MAP3K4: variants seen among roughly 807,000 people sequenced by gnomAD.
MAP3K4 encodes MAP three kinase 1.
MAP3K4 carries 67 observed loss-of-function variants against 185.6 expected under a neutral mutation model. The ratio of observed to expected loss-of-function variants is 0.36; its 90% CI spans 0.30 to 0.44. The LOEUF (loss-of-function observed/expected upper bound fraction) is 0.44. MAP3K4 is among the 20% of genes least tolerant of loss of function. MAP3K4 has a pLI of 1.00. For synonymous variants in MAP3K4, 702 were observed against 710.4 expected (o/e 0.99, Z 0.19); for missense variants, 1,551 against 1,995.1 (o/e 0.78, Z 4.24).
chr6:160,995,146 A>G (rs1434076625), intron 1 of MAP3K4, among the ~76,000 whole-genome samples: 2 of 152,194 alleles, frequency 1.3e-5, no homozygotes, highest in East Asian at 3.9e-4. Flanking sequence ...CCATTCTTGC[A>G]GGAGTAAGGT....
intron 25 of MAP3K4, among the ~76,000 whole-genome samples, chr6:161,113,360 A>G (rs1443401609): frequency 6.6e-6 from 1 of 152,242 alleles, no homozygotes; most frequent in Non-Finnish European, 1.5e-5. Context: ...AGTGGTTGCC[A>G]GGGACGTGGG....
intron 3 of MAP3K4, among the ~76,000 whole-genome samples, chr6:161,068,129 T>C (rs1784786589): frequency 6.6e-6 from 1 of 152,226 alleles, no homozygotes; most frequent in Admixed American, 6.5e-5. Flanking sequence ...TAGAGACCCA[T>C]AGTTAACTGG....
chr6:161,005,262 C>A (rs116321877), intron 1 of MAP3K4, among the ~76,000 whole-genome samples: 11,435 of 151,826 alleles, frequency 0.075, 479 homozygotes, highest in East Asian at 0.16. Context: ...CCTCAGCCTC[C>A]CCAGTAGATG....
rs1208544398 is a variant in MAP3K4 at position 161,116,666 on chromosome 6, T to G, written c.4807-184T>G. On this transcript the variant is annotated intron_variant, in intron 26 of 26. Transcript: ENST00000392142. The surrounding 1 kb of genome is among the most constrained non-coding windows in gnomAD (Gnocchi z 6.2). The stretch of plus-strand genomic sequence containing the variant: ...ATTAGTCAGTTCCCAGGCTTAACTT[T>G]AGAGCAGTAACTTACCTCTGCCATT... 6.6e-6 allele frequency among the ~76,000 whole-genome samples: 1 copy of G among 152,240 alleles called. No homozygotes were observed. Among genetic ancestry groups the G allele is most frequent in the Non-Finnish European group, 1.5e-5 (1 of 68,034 alleles).
At position 161,092,189 on chromosome 6, in the gene MAP3K4, G is replaced by A. The variant is rs368256080; in HGVS notation, c.3269+46G>A. The A allele has an allele frequency of 1.1e-5, 17 of 1,608,628 alleles. No homozygotes were observed. In the African/African-American group the frequency reaches 1.3e-4, roughly 13 times the overall value. On this transcript the variant is annotated intron_variant, in intron 13 of 26. Coordinates refer to ENST00000392142, the MANE Select transcript of MAP3K4 (RefSeq NM_005922.4). ...TTCTGAAATGTGTCATGTGGGCTTG[G>A]TGGTATTTGTTCATATATGTTCTGT...
At position 161,007,821 on chromosome 6, in the gene MAP3K4, G is replaced by A. The variant is rs628075; in HGVS notation, c.152+15738G>A. Among the ~76,000 whole-genome samples the A allele has an allele frequency of 0.94, 142,595 of 152,228 alleles. 67,107 individuals are homozygous for A. Among genetic ancestry groups the A allele is most frequent in the African/African-American group, 0.97 (40,135 of 41,548 alleles). ...AAAAGGCTGTCAATTGTAATATGCAGCATAAATTTTATATGTCACTAAGGA... is the reference window on the plus strand; with the variant it reads ...AAAAGGCTGTCAATTGTAATATGCAACATAAATTTTATATGTCACTAAGGA... On this transcript the variant is annotated intron_variant, in intron 1 of 26. Coordinates refer to ENST00000392142, the MANE Select transcript of MAP3K4 (RefSeq NM_005922.4). This position sits in a 1 kb window ranked among gnomAD's most constrained non-coding sequence, Gnocchi z 4.5.
chr6:161,101,957 T>G lies in MAP3K4; in HGVS notation c.3740T>G (p.Leu1247Arg). The change falls in exon 18 of 27, where the codon CTG becomes CGG. Residue 1247 changes from leucine (L) to arginine (R), a missense_variant. Transcript: ENST00000392142. The surrounding 1 kb of genome is among the most constrained non-coding windows in gnomAD (Gnocchi z 5.1). ...SIAAELQFRS[L>R]SRHSSPTEER... is the part of the protein sequence containing the mutation. ...GCTGCTGAATTGCAGTTTAGGTCCC[T>G]GAGTCGTCACTCAAGCCCCACGGAG... 6.2e-7 allele frequency: 1 copy of G among 1,614,186 alleles called. No individual in the cohort carries two copies. Among genetic ancestry groups the G allele is most frequent in the Non-Finnish European group, 8.5e-7 (1 of 1,180,004 alleles).
chr6:161,097,223 T>C lies in MAP3K4; in HGVS notation c.3524+47T>C, dbSNP rs1398161814. 6.7e-7 allele frequency: 1 copy of C among 1,493,960 alleles called. No homozygotes were observed. Among genetic ancestry groups the C allele is most frequent in the Admixed American group, 1.7e-5 (1 of 59,704 alleles). The allele number at this position is 1,493,960 out of a possible 1,614,324, so 92.5% of individuals were successfully genotyped here. On this transcript the variant is annotated intron_variant, in intron 16 of 26. Coordinates refer to ENST00000392142, the MANE Select transcript of MAP3K4 (RefSeq NM_005922.4). The surrounding 1 kb of genome is among the most constrained non-coding windows in gnomAD (Gnocchi z 4.9). ...ATTTGCTTTACAGAGTGCCCTCCGA[T>C]ATGCATGCTCATACTTTTGAAACTA...
In MAP3K4 at chr6:161,080,796, C is replaced by T. The variant is rs1001240957; in HGVS notation, c.2098-85C>T. ...AGCCCCCGGCCCGCCCCCACTTTAC[C>T]CTGCTGATGTGTAGCTTTCAGGTGA... On this transcript the variant is annotated intron_variant, in intron 5 of 26. Coordinates refer to ENST00000392142, the MANE Select transcript of MAP3K4 (RefSeq NM_005922.4). The surrounding 1 kb of genome is among the most constrained non-coding windows in gnomAD (Gnocchi z 4.8). The T allele has an allele frequency of 3.1e-6, 4 of 1,281,266 alleles. No individual in the cohort carries two copies. Among genetic ancestry groups the T allele is most frequent in the Non-Finnish European group, 4.4e-6 (4 of 905,340 alleles). The allele number at this position is 1,281,266 out of a possible 1,614,324, so 79.4% of individuals were successfully genotyped here.
In MAP3K4 at chr6:161,086,401, C is replaced by A; in HGVS notation, c.2395C>A (p.Arg799=). 3.1e-6 allele frequency: 5 copies of A among 1,613,562 alleles called. No individual in the cohort carries two copies. Among genetic ancestry groups the A allele is most frequent in the South Asian group, 1.1e-5 (1 of 91,014 alleles). The change falls in exon 8 of 27, where the codon CGA becomes AGA. Residue 799 remains arginine (R), a synonymous_variant. Coordinates refer to ENST00000392142, the MANE Select transcript of MAP3K4 (RefSeq NM_005922.4). This position sits in a 1 kb window ranked among gnomAD's most constrained non-coding sequence, Gnocchi z 4.8. ...EIRRSVIEIS[R]ALKELFHEAR... is the part of the protein sequence containing the mutation. ...CAGGAGGTCTGTTATAGAGATCAGT[C>A]GAGCCCTGAAGGAGCTCTTCCATGA...
At chr6:161,031,413 A>G (rs1288105856) in intron 1 of MAP3K4, among the ~76,000 whole-genome samples, 1 of 152,194 alleles carries the variant, frequency 6.6e-6, no homozygotes, top group Non-Finnish European at 1.5e-5. Flanking sequence ...TTTTTATTAT[A>G]TGTACTTTCT....
Position 161,075,664 on chromosome 6 carries a change from C to T in MAP3K4, c.2097+2052C>T, listed in dbSNP as rs1287892642. Among the ~76,000 whole-genome samples the T allele has an allele frequency of 2.6e-5, 4 of 152,138 alleles. No individual in the cohort carries two copies. The highest frequency in any genetic ancestry group is 4.4e-5 in the Non-Finnish European group (3 of 68,032). ...TGAGGAGCATCAGGCATGTGAACCACGCCTTCCTGGTCAGCCAGTTTCTGT... is the reference window on the plus strand; with the variant it reads ...TGAGGAGCATCAGGCATGTGAACCATGCCTTCCTGGTCAGCCAGTTTCTGT... On this transcript the variant is annotated intron_variant, in intron 5 of 26. Transcript: ENST00000392142. The surrounding 1 kb of genome is among the most constrained non-coding windows in gnomAD (Gnocchi z 4.3).
intron 1 of MAP3K4, among the ~76,000 whole-genome samples, chr6:161,014,766 C>G (rs1309135417): frequency 1.3e-5 from 2 of 152,272 alleles, no homozygotes; most frequent in East Asian, 3.9e-4. Context: ...AGATACAATT[C>G]ATATGTCATC....
chr6:161,107,810 A>C lies in MAP3K4; in HGVS notation c.4049-89A>C. 1 of 872,300 alleles carries C rather than the reference A, an allele frequency of 1.1e-6. No homozygotes were observed. The highest frequency in any genetic ancestry group is 1.9e-6 in the Non-Finnish European group (1 of 537,808). 54.0% of individuals were successfully genotyped at this position (872,300 alleles called of 1,614,324 possible). A position where few individuals can be genotyped will look rare whatever the true frequency, so the allele number is the denominator to read the frequency against. On this transcript the variant is annotated intron_variant, in intron 20 of 26. Coordinates refer to ENST00000392142, the MANE Select transcript of MAP3K4 (RefSeq NM_005922.4). This position sits in a 1 kb window ranked among gnomAD's most constrained non-coding sequence, Gnocchi z 6.2. ...TATAGATATATAAATATACGTCCAA[A>C]ATAATTGGACAGTATTATTACAAGT...
rs1583169454 is a variant in MAP3K4, at chr6:161,051,874, A to G, written c.1707+1895A>G. ...TATTATTACTATTACTGTTTTAGAG[A>G]CAAGATCTCACTACGTTGCCCAGGC... On this transcript the variant is annotated intron_variant, in intron 3 of 26. Transcript: ENST00000392142. The surrounding 1 kb of genome is among the most constrained non-coding windows in gnomAD (Gnocchi z 4.2). Among the ~76,000 whole-genome samples the G allele has an allele frequency of 6.6e-6, 1 of 152,160 alleles. No homozygotes were observed. The highest frequency in any genetic ancestry group is 1.5e-5 in the Non-Finnish European group (1 of 68,018).
intron 1 of MAP3K4, among the ~76,000 whole-genome samples, chr6:161,033,260 C>T (rs1783012843): frequency 6.6e-6 from 1 of 151,954 alleles, no homozygotes; most frequent in Admixed American, 6.6e-5. Flanking sequence ...TATAAATGTT[C>T]AGAAAGAGGT....
At position 161,087,655 on chromosome 6, in the gene MAP3K4, G is replaced by A. The variant is rs1256319660; in HGVS notation, c.2557-33G>A. 3 of 1,609,548 alleles carry A rather than the reference G, an allele frequency of 1.9e-6. No homozygotes were observed. Among genetic ancestry groups the A allele is most frequent in the Admixed American group, 3.3e-5 (2 of 60,006 alleles). On this transcript the variant is annotated intron_variant, in intron 9 of 26. Transcript: ENST00000392142. The surrounding 1 kb of genome is among the most constrained non-coding windows in gnomAD (Gnocchi z 4.9). ...ATAACCTATTTCTCTAATGTACAGT[G>A]TTCCTTAAGATTTTGGATTATGTCT... is the stretch of plus-strand genomic sequence containing the variant.
At chr6:161,041,926 CTTT>C (rs869273927) in intron 2 of MAP3K4, among the ~76,000 whole-genome samples, 4 of 45,218 alleles carry the variant, frequency 8.8e-5, no homozygotes, top group Admixed American at 3.6e-4. Flanking sequence ...TTTTTTTTTT[CTTT>C]TTTTTTTTTT....
At position 161,053,575 on chromosome 6, in the gene MAP3K4, G is replaced by A. The variant is rs574811077; in HGVS notation, c.1707+3596G>A. 4.3e-4 allele frequency among the ~76,000 whole-genome samples: 66 copies of A among 152,234 alleles called. No individual in the cohort carries two copies. The highest frequency in any genetic ancestry group is 1.5e-3 in the African/African-American group (64 of 41,538). ...ACATTTTAGGCAGTAAAACCTTTTA[G>A]GTTTGAGGACTTTTTTGTTTGTTTG... On this transcript the variant is annotated intron_variant, in intron 3 of 26. Transcript: ENST00000392142. This position sits in a 1 kb window ranked among gnomAD's most constrained non-coding sequence, Gnocchi z 4.2.
Sources: allele counts gnomAD v4.1 joint callset (sites outside exome capture counted in the v4.1 genomes callset), GRCh38; gene constraint gnomAD v4.1.1; non-coding constraint Gnocchi (gnomAD v3.1); transcripts MANE v1.5; gene names NCBI Gene and HGNC (gene_info 2026-07-23, HGNC 2026-07-21).